The following TAS2R1 variants were observed in gnomAD, a reference collection of about 807,000 sequenced individuals.
TAS2R1 encodes the protein taste 2 receptor member 1, also known as taste receptor type 2 member 1.
For synonymous variants in TAS2R1, 141 were observed against 134.2 expected, an observed-to-expected ratio of 1.05 and a Z score of -0.35; for missense variants, 370 against 353.4, an observed-to-expected ratio of 1.05 and a Z score of -0.38.
chr5:9,636,706 A>G (rs1308306118), intron 2 of TAS2R1, among the ~76,000 whole-genome samples: 1 of 151,756 alleles, frequency 6.6e-6, no homozygotes, highest in Non-Finnish European at 1.5e-5. Flanking sequence ...TTTTACTGTT[A>G]TTGCTTTAAA....
the TAS2R1 span, among the ~76,000 whole-genome samples, chr5:9,841,136 T>C: frequency 6.6e-6 from 1 of 152,074 alleles, no homozygotes; most frequent in African/African-American, 2.4e-5. Context: ...ATTTCTACCT[T>C]GAGAGCATGT....
intron 1 of TAS2R1, among the ~76,000 whole-genome samples, chr5:9,695,605 C>T (rs994611450): frequency 6.6e-6 from 1 of 152,066 alleles, no homozygotes; most frequent in African/African-American, 2.4e-5. Flanking sequence ...GGGAGTATGG[C>T]TGCATAGAGT....
chr5:9,735,557 C>A, the TAS2R1 span, among the ~76,000 whole-genome samples: 1 of 151,680 alleles, frequency 6.6e-6, no homozygotes, highest in African/African-American at 2.4e-5. Flanking sequence ...CTAGATGGTG[C>A]CTTCATTTTA....
the TAS2R1 span, among the ~76,000 whole-genome samples, chr5:9,790,127 G>A: frequency 5.9e-5 from 9 of 152,208 alleles, no homozygotes; most frequent in Non-Finnish European, 1.2e-4. Context: ...CTGGAGGGAG[G>A]GATCCAGTAC....
intron 1 of TAS2R1, among the ~76,000 whole-genome samples, chr5:9,681,943 GC>G (rs1741002994): frequency 6.6e-6 from 1 of 152,170 alleles, no homozygotes; most frequent in Non-Finnish European, 1.5e-5. Context: ...CTCTCCTTAA[GC>G]CCTTAGCACA....
At chr5:9,819,433 G>A in the TAS2R1 span, among the ~76,000 whole-genome samples, 1 of 152,184 alleles carries the variant, frequency 6.6e-6, no homozygotes, top group Non-Finnish European at 1.5e-5. Flanking sequence ...CAATACAGTA[G>A]AATTGGGCAG....
At chr5:9,743,157 T>C in the TAS2R1 span, among the ~76,000 whole-genome samples, 1 of 152,146 alleles carries the variant, frequency 6.6e-6, no homozygotes, top group Non-Finnish European at 1.5e-5. Flanking sequence ...ACATTCCAGA[T>C]TAACTTTACC....
At chr5:9,760,409 G>A in the TAS2R1 span, among the ~76,000 whole-genome samples, 1,075 of 152,190 alleles carry the variant, frequency 7.1e-3, 15 homozygotes, top group African/African-American at 0.024. Context: ...ATCTGTAGAC[G>A]AACATTTGTC....
At chr5:9,646,431 C>A (rs1316202530) in intron 2 of TAS2R1, among the ~76,000 whole-genome samples, 1 of 152,100 alleles carries the variant, frequency 6.6e-6, no homozygotes, top group Non-Finnish European at 1.5e-5. Flanking sequence ...TATGAATTTG[C>A]ATATATGTGG....
the TAS2R1 span, among the ~76,000 whole-genome samples, chr5:9,879,379 C>G: frequency 6.6e-6 from 1 of 152,190 alleles, no homozygotes; most frequent in African/African-American, 2.4e-5. Context: ...TGATCAAGGG[C>G]ACCTGCCTCT....
rs1002455236 is a variant in TAS2R1, at chr5:9,629,977, A to G, written c.56T>C (p.Leu19Pro). ...AATGATGCCATTTGTGAAAATCCCA[A>G]GAAGAAATTGTATCACTGCAAGAAG... The part of the protein sequence containing the change: ...YFLLAVIQFL[L>P]GIFTNGIIVV... Residue 19 changes from leucine to proline, a missense_variant, in exon 1 of 1, where the codon CTT (leucine) becomes CCT (proline). Leu to Pro is a moderately conservative substitution (Grantham distance 98). Coordinates refer to ENST00000382492, the MANE Select transcript of TAS2R1 (RefSeq NM_019599.3). 3.1e-6 allele frequency: 5 copies of G among 1,601,916 alleles called. No homozygotes were observed. Among genetic ancestry groups the G allele is most frequent in the Non-Finnish European group, 4.3e-6 (5 of 1,176,048 alleles).
the TAS2R1 span, among the ~76,000 whole-genome samples, chr5:9,860,977 T>G: frequency 6.7e-6 from 1 of 149,064 alleles, no homozygotes; most frequent in Non-Finnish European, 1.5e-5. Flanking sequence ...CTTTTTTTTT[T>G]GCTCACTCCA....
At chr5:9,770,672 G>T in the TAS2R1 span, among the ~76,000 whole-genome samples, 2 of 152,040 alleles carry the variant, frequency 1.3e-5, no homozygotes, top group East Asian at 3.9e-4. Context: ...TTGTAAATGT[G>T]ATTACTTTCT....
intron 2 of TAS2R1, among the ~76,000 whole-genome samples, chr5:9,649,637 T>C (rs1740263471): frequency 6.6e-6 from 1 of 152,196 alleles, no homozygotes; most frequent in African/African-American, 2.4e-5. Flanking sequence ...GAAACACAAA[T>C]ATGCCCATGC....
chr5:9,805,985 T>C, the TAS2R1 span, among the ~76,000 whole-genome samples: 1 of 152,146 alleles, frequency 6.6e-6, no homozygotes, highest in African/African-American at 2.4e-5. Context: ...CATGATTCTA[T>C]ATCTAGAAAA....
intron 1 of TAS2R1, among the ~76,000 whole-genome samples, chr5:9,679,337 C>A (rs1740950826): frequency 6.6e-6 from 1 of 152,136 alleles, no homozygotes; most frequent in African/African-American, 2.4e-5. Context: ...AAAGAACGAA[C>A]CTTAGTGAAT....
At chr5:9,709,074 T>C (rs1329079204) in intron 1 of TAS2R1, among the ~76,000 whole-genome samples, 4 of 151,978 alleles carry the variant, frequency 2.6e-5, no homozygotes, top group Non-Finnish European at 5.9e-5. Flanking sequence ...ATCTAATGCA[T>C]GTGGGGCTTA....
intron 1 of TAS2R1, among the ~76,000 whole-genome samples, chr5:9,681,531 C>CAAAAAAAAAAAAAAAAAAAAAAGAAAAA (rs10681888): frequency 1.1e-5 from 1 of 87,920 alleles, no homozygotes; most frequent in Non-Finnish European, 2.1e-5. Flanking sequence ...CATGTTTCTG[C>CAAAAAAAAAAAAAAAAAAAAAAGAAAAA]AAAAAAAAAA....
the TAS2R1 span, among the ~76,000 whole-genome samples, chr5:9,789,731 C>T: frequency 6.6e-6 from 1 of 152,338 alleles, no homozygotes; most frequent in Non-Finnish European, 1.5e-5. Context: ...GTGTGCTAGG[C>T]AATTCTTCTC....
Sources: gnomAD v4.1 joint callset for allele counts (sites outside exome capture counted in the v4.1 genomes callset) on GRCh38, gnomAD v4.1.1 for gene constraint, MANE v1.5 for transcripts, NCBI Gene and HGNC (gene_info 2026-07-23, HGNC 2026-07-21) for gene names.